ENTREP1: variants seen among roughly 807,000 people sequenced by gnomAD.
ENTREP1 encodes Friedreich ataxia region gene X123.
At chr9:69,342,177 A>G in the ENTREP1 span, among the ~76,000 whole-genome samples, 3 of 151,258 alleles carry the variant, frequency 2.0e-5, 1 homozygote, top group South Asian at 6.2e-4. Context: ...ACATTCTTGC[A>G]TGTATATAAT....
the ENTREP1 span, among the ~76,000 whole-genome samples, chr9:69,379,347 C>T: frequency 6.6e-6 from 1 of 152,154 alleles, no homozygotes; most frequent in South Asian, 2.1e-4. Flanking sequence ...CTATACCCTC[C>T]CCAGCTCACT....
the ENTREP1 span, among the ~76,000 whole-genome samples, chr9:69,349,745 TC>T: frequency 7.9e-5 from 12 of 152,302 alleles, no homozygotes; most frequent in African/African-American, 2.6e-4. Context: ...CATAGCTTAG[TC>T]AAGCTTACTT....
the ENTREP1 span, chr9:69,383,814 C>T: frequency 1.2e-6 from 2 of 1,604,602 alleles, no homozygotes; most frequent in Non-Finnish European, 1.7e-6. Flanking sequence ...GGAAAGACAG[C>T]ACCGCCCCAC....
chr9:69,329,057 T>C, the ENTREP1 span, among the ~76,000 whole-genome samples: 2 of 152,228 alleles, frequency 1.3e-5, no homozygotes, highest in African/African-American at 4.8e-5. Flanking sequence ...TTCATTCCTA[T>C]TTTATTGTAT....
the ENTREP1 span, among the ~76,000 whole-genome samples, chr9:69,345,382 G>A: frequency 1.3e-5 from 2 of 152,118 alleles, no homozygotes; most frequent in African/African-American, 2.4e-5. Flanking sequence ...TTTGACCTGG[G>A]TACTGTACTT....
At chr9:69,378,061 A>G in the ENTREP1 span, among the ~76,000 whole-genome samples, 1 of 152,154 alleles carries the variant, frequency 6.6e-6, no homozygotes, top group Non-Finnish European at 1.5e-5. Context: ...GTCTGATAAA[A>G]CAGATGAATC....
the ENTREP1 span, among the ~76,000 whole-genome samples, chr9:69,337,567 C>G: frequency 1.3e-5 from 2 of 152,024 alleles, no homozygotes; most frequent in African/African-American, 4.8e-5. Context: ...ATTTTTAGAA[C>G]ATTTCCAATG....
the ENTREP1 span, among the ~76,000 whole-genome samples, chr9:69,350,338 T>TC: frequency 6.6e-6 from 1 of 152,208 alleles, no homozygotes; most frequent in African/African-American, 2.4e-5. Flanking sequence ...AGACTCTTTT[T>TC]CCCCTTTGAA....
chr9:69,369,190 A>G, the ENTREP1 span, among the ~76,000 whole-genome samples: 1 of 152,154 alleles, frequency 6.6e-6, no homozygotes, highest in African/African-American at 2.4e-5. Flanking sequence ...ATAGTATTCC[A>G]TCGTGTATAT....
At chr9:69,380,641 AG>A in the ENTREP1 span, 1 of 152,212 alleles carries the variant, frequency 6.6e-6, no homozygotes, top group East Asian at 1.9e-4. Context: ...GTAATACAGG[AG>A]GGGGCCGTGC....
At chr9:69,386,146 G>C in the ENTREP1 span, 1 of 444,336 alleles carries the variant, frequency 2.3e-6, no homozygotes, top group Non-Finnish European at 3.7e-6. Flanking sequence ...AAGGATGGTA[G>C]GGTTTTTTTG....
the ENTREP1 span, among the ~76,000 whole-genome samples, chr9:69,369,607 T>TTTTA: frequency 6.6e-6 from 1 of 151,832 alleles, no homozygotes; most frequent in Middle Eastern, 3.2e-3. Flanking sequence ...TTTTTTTTTT[T>TTTTA]ATCATATGAC....
chr9:69,326,918 C>T, the ENTREP1 span, among the ~76,000 whole-genome samples: 1 of 150,478 alleles, frequency 6.6e-6, no homozygotes, highest in African/African-American at 2.4e-5. Flanking sequence ...AGCAATGCTG[C>T]TAGGTTTTAG....
chr9:69,384,276 C>G, the ENTREP1 span, among the ~76,000 whole-genome samples: 25 of 152,118 alleles, frequency 1.6e-4, no homozygotes, highest in Non-Finnish European at 2.9e-4. Flanking sequence ...GCAAATAGTT[C>G]AAGCTACACC....
the ENTREP1 span, chr9:69,324,598 G>C: frequency 7.1e-6 from 7 of 985,384 alleles, no homozygotes; most frequent in South Asian, 2.8e-4. Flanking sequence ...CTCCTACCGA[G>C]ATGCCGGGAA....
At chr9:69,362,143 C>T in the ENTREP1 span, among the ~76,000 whole-genome samples, 358 of 152,146 alleles carry the variant, frequency 2.4e-3, 3 homozygotes, top group African/African-American at 8.4e-3. Flanking sequence ...GGGTTTAAGT[C>T]GCATCTTGAG....
chr9:69,352,831 A>G, the ENTREP1 span, among the ~76,000 whole-genome samples: 4 of 152,228 alleles, frequency 2.6e-5, no homozygotes, highest in African/African-American at 9.6e-5. Flanking sequence ...ATGACCCCCA[A>G]TATGCCAAAA....
At chr9:69,325,282 ACCCG>A in the ENTREP1 span, 1 of 40,568 alleles carries the variant, frequency 2.5e-5, no homozygotes, top group East Asian at 1.0e-3. Flanking sequence ...AGCCGGCCGC[ACCCG>A]GCCGCACCCT....
the ENTREP1 span, among the ~76,000 whole-genome samples, chr9:69,345,334 A>T: frequency 6.6e-6 from 1 of 152,232 alleles, no homozygotes; most frequent in African/African-American, 2.4e-5. Context: ...CTGCACATTG[A>T]TGGAGAAGAA....
Sources: gnomAD v4.1 joint callset for allele counts (sites outside exome capture counted in the v4.1 genomes callset) on GRCh38, gnomAD v4.1.1 for gene constraint, MANE v1.5 for transcripts, NCBI Gene and HGNC (gene_info 2026-07-23, HGNC 2026-07-21) for gene names.